TLN2: variants seen among roughly 807,000 people sequenced by gnomAD.
TLN2 encodes talin-2.
In TLN2, 118 loss-of-function variants were observed where a neutral mutation model predicts 294.7. The observed-to-expected ratio is 0.40, with a 90% CI of 0.34 to 0.47. TLN2 has a LOEUF of 0.47. Ranked by LOEUF, TLN2 falls within the 20% of genes least tolerant of loss-of-function variation. The pLI is 0.84. For missense variants in TLN2, 3,083 were observed against 3,282.2 expected (o/e 0.94, Z 1.48); for synonymous variants, 1,431 against 1,304.5 (o/e 1.10, Z -2.09).
chr15:62,711,791 G>A (rs1301267313), intron 21 of TLN2, 120 bp from the exon 22 acceptor site: 2 of 1,115,810 alleles, frequency 1.8e-6, no homozygotes, highest in African/African-American at 1.6e-5. Flanking sequence ...AGAGCATGGA[G>A]GTTCAGTTTT....
chr15:62,744,314 C>G (rs2140978381), intron 32 of TLN2, among the ~76,000 whole-genome samples: 1 of 152,220 alleles, frequency 6.6e-6, no homozygotes, highest in Non-Finnish European at 1.5e-5. Context: ...CTTCTTTGTA[C>G]CTTGTCTTCT....
At chr15:62,513,752 A>G (rs575015691) in intron 1 of TLN2, among the ~76,000 whole-genome samples, 111 of 152,338 alleles carry the variant, frequency 7.3e-4, no homozygotes, top group African/African-American at 2.5e-3. Flanking sequence ...TTCAATCCAG[A>G]TAGGGTCTAG....
intron 4 of TLN2, 26 bp downstream of exon 4, chr15:62,647,472 T>C: frequency 1.2e-6 from 2 of 1,612,886 alleles, no homozygotes; most frequent in Non-Finnish European, 1.7e-6. Flanking sequence ...TTTACTGGCT[T>C]CTTAAAACGT....
intron 1 of TLN2, among the ~76,000 whole-genome samples, chr15:62,514,078 A>G (rs972687952): frequency 1.3e-5 from 2 of 152,242 alleles, no homozygotes; most frequent in African/African-American, 4.8e-5. Context: ...GTTTTTGCAT[A>G]ATATATGCGC....
chr15:62,676,520 TTAA>T (rs1309512921), intron 11 of TLN2, among the ~76,000 whole-genome samples: 1 of 152,226 alleles, frequency 6.6e-6, no homozygotes, highest in African/African-American at 2.4e-5. Context: ...CTTACCAATA[TTAA>T]TAATAACAGC....
At chr15:62,400,447 A>G (rs2032935312) in intron 1 of TLN2, among the ~76,000 whole-genome samples, 1 of 152,228 alleles carries the variant, frequency 6.6e-6, no homozygotes, top group African/African-American at 2.4e-5. Context: ...AATTTGTTGT[A>G]GATATTTGGG....
chr15:62,584,479 T>A (rs2140707857), intron 1 of TLN2, among the ~76,000 whole-genome samples: 1 of 152,368 alleles, frequency 6.6e-6, no homozygotes, highest in Middle Eastern at 3.4e-3. Flanking sequence ...CCTTGGGTGT[T>A]GACGCTGTCT....
chr15:62,529,482 G>A (rs2164239), intron 1 of TLN2, among the ~76,000 whole-genome samples: 2 of 150,364 alleles, frequency 1.3e-5, no homozygotes, highest in African/African-American at 4.9e-5. Flanking sequence ...GTGGTCTCTC[G>A]TGCCCCATCC....
intron 1 of TLN2, among the ~76,000 whole-genome samples, chr15:62,419,961 T>C (rs1228145478): frequency 6.6e-6 from 1 of 152,202 alleles, no homozygotes; most frequent in African/African-American, 2.4e-5. Context: ...GGGCATCTTA[T>C]CCCTGTTAGG....
At chr15:62,774,057 A>C (rs560273464) in intron 42 of TLN2, among the ~76,000 whole-genome samples, 12 of 151,712 alleles carry the variant, frequency 7.9e-5, no homozygotes, top group East Asian at 3.9e-4. Flanking sequence ...TTGATGGGCC[A>C]CCACAGATTC....
chr15:62,585,902 C>T (rs539870353), intron 1 of TLN2, among the ~76,000 whole-genome samples: 10 of 152,254 alleles, frequency 6.6e-5, no homozygotes, highest in African/African-American at 2.2e-4. Flanking sequence ...CATGGCACCC[C>T]CTGAGCTGGA....
chr15:62,797,259 A>T lies in TLN2; in HGVS notation c.6091A>T (p.Thr2031Ser). 6.2e-7 allele frequency: 1 copy of T among 1,614,052 alleles called. No homozygotes were observed. Among genetic ancestry groups the T allele is most frequent in the Non-Finnish European group, 8.5e-7 (1 of 1,180,014 alleles). Residue 2031 changes from threonine (T) to serine (S), a missense_variant, in exon 48 of 59, where the codon ACG (threonine) becomes TCG (serine). Transcript: ENST00000636159. ...LKTAKALVED[T>S]KLLVSGAAST... ...GACGGCCAAGGCCTTGGTAGAAGACACGAAACTACTTGTGTCAGGAGCTGC... is the reference window on the plus strand; with the variant it reads ...GACGGCCAAGGCCTTGGTAGAAGACTCGAAACTACTTGTGTCAGGAGCTGC...
chr15:62,616,960 A>C (rs1032835859), intron 2 of TLN2, among the ~76,000 whole-genome samples: 1 of 152,026 alleles, frequency 6.6e-6, no homozygotes. Flanking sequence ...GCTATGACAG[A>C]GTGGAAGGTG....
At chr15:62,821,470 A>AT (rs1420540351) in intron 54 of TLN2, among the ~76,000 whole-genome samples, 2 of 152,250 alleles carry the variant, frequency 1.3e-5, no homozygotes, top group Non-Finnish European at 2.9e-5. Context: ...ATACCTAAAA[A>AT]TTTACCTATT....
intron 50 of TLN2, among the ~76,000 whole-genome samples, chr15:62,800,988 A>G (rs542613460): frequency 6.6e-6 from 1 of 152,196 alleles, no homozygotes; most frequent in Non-Finnish European, 1.5e-5. Flanking sequence ...GTTAATTGAA[A>G]TGTATCACTT....
chr15:62,698,643 C>A, intron 15 of TLN2, 111 bp from the exon 16 acceptor site: 1 of 796,702 alleles, frequency 1.3e-6, no homozygotes, highest in Non-Finnish European at 2.1e-6. Context: ...TGAGATGTAG[C>A]CTGGGCTGCT....
At chr15:62,701,566 T>G (rs2058723237) in intron 17 of TLN2, among the ~76,000 whole-genome samples, 1 of 152,212 alleles carries the variant, frequency 6.6e-6, no homozygotes, top group Non-Finnish European at 1.5e-5. Flanking sequence ...AGACCTGTCA[T>G]ATGTGCCTTT....
chr15:62,597,550 T>G (rs2046636107), intron 2 of TLN2, among the ~76,000 whole-genome samples: 2 of 152,192 alleles, frequency 1.3e-5, no homozygotes. Context: ...GGTCTTGCTC[T>G]CACAGCCCGC....
chr15:62,418,523 A>G (rs897603798), intron 1 of TLN2, among the ~76,000 whole-genome samples: 3 of 152,136 alleles, frequency 2.0e-5, no homozygotes, highest in South Asian at 2.1e-4. Flanking sequence ...ATTTTATTCA[A>G]ATTTAAAACT....
Sources: gnomAD v4.1 joint callset for allele counts (sites outside exome capture counted in the v4.1 genomes callset) on GRCh38, gnomAD v4.1.1 for gene constraint, MANE v1.5 for transcripts, NCBI Gene and HGNC (gene_info 2026-07-23, HGNC 2026-07-21) for gene names.